SDK1: variants seen among roughly 807,000 people sequenced by gnomAD.
The protein encoded by SDK1 is protein sidekick-1.
Under a neutral mutation model 245.5 loss-of-function variants are expected in SDK1, and 157 were observed. That is an observed-to-expected ratio of 0.64 (90% confidence interval 0.56 to 0.73). SDK1 has a LOEUF of 0.73. Among genes scored for constraint, SDK1 ranks in the 30% least tolerant of loss-of-function variants. The pLI is 0.00. For synonymous variants in SDK1, 1,647 were observed against 1,278.5 expected, an observed-to-expected ratio of 1.29 and a Z score of -6.15; for missense variants, 3,583 against 3,002.3, an observed-to-expected ratio of 1.19 and a Z score of -4.52.
intron 5 of SDK1, among the ~76,000 whole-genome samples, chr7:3,899,848 A>G (rs1380866828): frequency 6.6e-6 from 1 of 152,242 alleles, no homozygotes; most frequent in Non-Finnish European, 1.5e-5. Flanking sequence ...AGGCACACTG[A>G]GAAGTGCTTT....
intron 5 of SDK1, among the ~76,000 whole-genome samples, chr7:3,878,586 C>G (rs2115145866): frequency 6.6e-6 from 1 of 152,304 alleles, no homozygotes; most frequent in African/African-American, 2.4e-5. Context: ...GTTCTCTTGT[C>G]ATGACAACTA....
chr7:4,094,531 AC>A (rs1267821095), intron 22 of SDK1, among the ~76,000 whole-genome samples: 2 of 152,200 alleles, frequency 1.3e-5, no homozygotes, highest in Non-Finnish European at 2.9e-5. Context: ...TACAAGGAGA[AC>A]CTGCCTTCAG....
intron 1 of SDK1, among the ~76,000 whole-genome samples, chr7:3,607,228 C>T (rs1444414864): frequency 6.6e-6 from 1 of 151,822 alleles, no homozygotes; most frequent in Non-Finnish European, 1.5e-5. Flanking sequence ...TAAGGCTCAC[C>T]TTTGGGTTCA....
intron 1 of SDK1, among the ~76,000 whole-genome samples, chr7:3,464,698 G>GTGTA (rs1554275277): frequency 6.8e-6 from 1 of 148,050 alleles, no homozygotes; most frequent in Non-Finnish European, 1.5e-5. Flanking sequence ...GTGTATGTAT[G>GTGTA]TATATATATA....
intron 22 of SDK1, among the ~76,000 whole-genome samples, chr7:4,082,771 CCA>C (rs1452187852): frequency 6.6e-6 from 1 of 151,980 alleles, no homozygotes; most frequent in Admixed American, 6.5e-5. Context: ...CAGGCGTGTG[CCA>C]CCACACCAGC....
intron 5 of SDK1, 117 bp downstream of exon 5, chr7:3,821,700 C>T (rs1441724920): frequency 9.1e-6 from 10 of 1,095,046 alleles, no homozygotes; most frequent in South Asian, 4.9e-5. Flanking sequence ...GTAGTAGTTA[C>T]GGTTTAATAT....
chr7:3,605,810 C>G (rs1353649200), intron 1 of SDK1, among the ~76,000 whole-genome samples: 1 of 151,836 alleles, frequency 6.6e-6, no homozygotes, highest in South Asian at 2.1e-4. Flanking sequence ...TTGAAATAGT[C>G]TAGGACATTT....
chr7:3,665,088 G>A (rs916495647), intron 4 of SDK1, among the ~76,000 whole-genome samples: 9 of 152,170 alleles, frequency 5.9e-5, no homozygotes, highest in Non-Finnish European at 1.3e-4. Context: ...AAGAAAGAGT[G>A]GACTCTCTGG....
chr7:4,226,242 G>A (rs1785437786), intron 40 of SDK1, among the ~76,000 whole-genome samples: 1 of 152,198 alleles, frequency 6.6e-6, no homozygotes, highest in South Asian at 2.1e-4. Context: ...GGGCCACACA[G>A]GGGCCCTCAC....
At chr7:3,469,579 T>C (rs1386080300) in intron 1 of SDK1, among the ~76,000 whole-genome samples, 1 of 152,228 alleles carries the variant, frequency 6.6e-6, no homozygotes, top group Non-Finnish European at 1.5e-5. Flanking sequence ...TCCTAGGTTG[T>C]TTTTGCAAAG....
At chr7:4,129,809 TG>T in intron 26 of SDK1, 98 bp from the exon 27 acceptor site, 1 of 1,559,654 alleles carries the variant, frequency 6.4e-7, no homozygotes, top group Admixed American at 1.8e-5. Context: ...AAAGCACAGT[TG>T]GCTGGGCCTT....
intron 1 of SDK1, among the ~76,000 whole-genome samples, chr7:3,459,450 A>G (rs1313480982): frequency 6.6e-6 from 1 of 152,196 alleles, no homozygotes; most frequent in Non-Finnish European, 1.5e-5. Context: ...CCCCAGTGCC[A>G]TGAAGAACCC....
intron 5 of SDK1, among the ~76,000 whole-genome samples, chr7:3,846,575 A>G (rs1780283238): frequency 6.6e-6 from 1 of 152,184 alleles, no homozygotes; most frequent in African/African-American, 2.4e-5. Flanking sequence ...CCACCACTCT[A>G]TAAATCCTCT....
At position 3,807,894 on chromosome 7, in the gene SDK1, C is replaced by T. The variant is rs116840531; in HGVS notation, c.714-13556C>T. ...GCATTTCTGAGTTTTAAGTGTATGCCAACTGTATGTACCAATCACCTTTTA... is the reference window on the plus strand; with the variant it reads ...GCATTTCTGAGTTTTAAGTGTATGCTAACTGTATGTACCAATCACCTTTTA... On this transcript the variant is annotated intron_variant, in intron 4 of 44. Coordinates refer to ENST00000404826, the MANE Select transcript of SDK1 (RefSeq NM_152744.4). Among the ~76,000 whole-genome samples the T allele has an allele frequency of 8.5e-3, 1,292 of 152,238 alleles. 22 individuals carry two copies. The highest frequency in any genetic ancestry group is 0.029 in the African/African-American group (1,225 of 41,532).
At chr7:3,573,654 C>T (rs1780187270) in intron 1 of SDK1, among the ~76,000 whole-genome samples, 1 of 152,030 alleles carries the variant, frequency 6.6e-6, no homozygotes, top group South Asian at 2.1e-4. Context: ...TGATCTTCTT[C>T]CCAGGAGTTG....
Position 4,265,758 on chromosome 7 carries a change from G to A in SDK1, c.*374G>A, listed in dbSNP as rs1241495838. ...GCGGGGAGAGGGAGTGGAGGGTCAG[G>A]TGAGATCTCAGAGCTGCCCCGGCCG... On this transcript the variant is annotated 3_prime_UTR_variant, in exon 45 of 45. Transcript: ENST00000404826. The A allele has an allele frequency of 3.8e-6, 4 of 1,039,608 alleles. No homozygotes were observed. The highest frequency in any genetic ancestry group is 4.6e-6 in the Non-Finnish European group (4 of 868,156). The allele number at this position is 1,039,608 out of a possible 1,614,324, so 64.4% of individuals were successfully genotyped here. A position where few individuals can be genotyped will look rare whatever the true frequency, so the allele number is the denominator to read the frequency against.
At chr7:3,519,438 C>G (rs563645852) in intron 1 of SDK1, among the ~76,000 whole-genome samples, 1 of 152,122 alleles carries the variant, frequency 6.6e-6, no homozygotes, top group African/African-American at 2.4e-5. Flanking sequence ...GTGAGCCTTG[C>G]TACCCAACAA....
rs571759736 is a variant in SDK1, at chr7:3,871,510, A to T, written c.847+49927A>T. 7.2e-5 allele frequency among the ~76,000 whole-genome samples: 11 copies of T among 152,290 alleles called. No homozygotes were observed. The East Asian group carries it at 2.1e-3, about 29-fold the overall frequency. On this transcript the variant is annotated intron_variant, in intron 5 of 44. Transcript: ENST00000404826. ...AGGCTGGGTGATTTATAAAGAAAAG[A>T]GGTTTATTTGGCTCATGGTTCTGTA...
At chr7:3,485,264 A>T (rs1020076025) in intron 1 of SDK1, among the ~76,000 whole-genome samples, 1 of 152,052 alleles carries the variant, frequency 6.6e-6, no homozygotes. Context: ...GATATTGAGC[A>T]TTTTTTCCCT....
Sources: allele counts gnomAD v4.1 joint callset (sites outside exome capture counted in the v4.1 genomes callset), GRCh38; gene constraint gnomAD v4.1.1; transcripts MANE v1.5; gene names NCBI Gene and HGNC (gene_info 2026-07-23, HGNC 2026-07-21).